RYR3: variants seen among roughly 807,000 people sequenced by gnomAD.
RYR3 encodes ryanodine receptor 3.
In RYR3, 207 loss-of-function variants were observed where a neutral mutation model predicts 584.3. The ratio of observed to expected loss-of-function variants is 0.35; its 90% CI spans 0.32 to 0.40. The LOEUF is 0.40. Among genes scored for constraint, RYR3 ranks in the 10% least tolerant of loss-of-function variants. RYR3 has a pLI of 1.00. For missense variants in RYR3, 5,616 were observed against 6,089.2 expected (o/e 0.92, Z 2.59); for synonymous variants, 2,416 against 2,248.5 (o/e 1.07, Z -2.11).
Position 33,750,003 on chromosome 15 carries a change from A to C in RYR3, c.8224A>C (p.Asn2742His). Residue 2742 changes from asparagine to histidine, a missense_variant, in exon 56 of 104, where the codon AAC (asparagine) becomes CAC (histidine). Physicochemically the swap from Asn to His is moderately conservative, Grantham distance 68 (BLOSUM62 1). Coordinates refer to ENST00000634891, the MANE Select transcript of RYR3 (RefSeq NM_001036.6). ...GGGAATGGTGGAGGTCGTGGCTGAG[A>C]ACTATCACAATATCTGGGCCAAGAA... Reference protein sequence around the residue: ...LQGMVEVVAENYHNIWAKKKK... With the variant: ...LQGMVEVVAEHYHNIWAKKKK... 6.2e-7 allele frequency: 1 copy of C among 1,612,502 alleles called. No homozygotes were observed. The highest frequency in any genetic ancestry group is 8.5e-7 in the Non-Finnish European group (1 of 1,179,460).
chr15:33,742,477 G>A (rs1466911775), intron 52 of RYR3, 33 bp downstream of exon 52: 2 of 1,459,748 alleles, frequency 1.4e-6, no homozygotes, highest in Non-Finnish European at 9.6e-7. Context: ...CAATCGTCAG[G>A]AAGGAAAAAC....
chr15:33,857,646 GC>G, intron 98 of RYR3, 133 bp from the exon 99 acceptor site: 1 of 1,067,580 alleles, frequency 9.4e-7, no homozygotes, highest in Non-Finnish European at 1.4e-6. Context: ...TTTCTTAGCC[GC>G]CCTCCACCCC....
At chr15:33,450,111 A>AAAAAG (rs2047002038) in intron 1 of RYR3, among the ~76,000 whole-genome samples, 2 of 149,642 alleles carry the variant, frequency 1.3e-5, no homozygotes, top group South Asian at 4.3e-4. Flanking sequence ...AAAAAAAAAA[A>AAAAAG]GCCGGCAACT....
In RYR3 at chr15:33,843,501, G is replaced by A. The variant is rs1255808267; in HGVS notation, c.13223G>A (p.Arg4408Lys). The change falls in exon 92 of 104, where the codon AGG becomes AAG. Residue 4408 changes from arginine to lysine, a missense_variant. By Grantham distance (26) the Arg-to-Lys change is conservative (BLOSUM62 2). Transcript: ENST00000634891. Reference sequence around the variant, plus strand: ...TTTTCTTTGCAGCATTACCTGGCCAGGAATTTCTACAACCTGAGGTTCCTT... The same window carrying A: ...TTTTCTTTGCAGCATTACCTGGCCAAGAATTTCTACAACCTGAGGTTCCTT... ...YQTKLLHYLA[R>K]NFYNLRFLAL... is the part of the protein sequence containing the mutation. 1 of 1,603,034 alleles carries A rather than the reference G, an allele frequency of 6.2e-7. No individual in the cohort carries two copies. Among genetic ancestry groups the A allele is most frequent in the African/African-American group, 1.3e-5 (1 of 74,826 alleles).
intron 1 of RYR3, among the ~76,000 whole-genome samples, chr15:33,413,580 T>C (rs1387823829): frequency 6.6e-6 from 1 of 152,164 alleles, no homozygotes; most frequent in Admixed American, 6.5e-5. Flanking sequence ...AAAAGAGATA[T>C]GTGGTCTGCA....
intron 1 of RYR3, 28 bp from the exon 2 acceptor site, chr15:33,473,391 C>T: frequency 6.2e-7 from 1 of 1,613,410 alleles, no homozygotes. Context: ...TCCCCTTACT[C>T]ATGTTTGGGT....
At chr15:33,827,122 T>C in intron 84 of RYR3, 77 bp from the exon 85 acceptor site, 1 of 1,180,470 alleles carries the variant, frequency 8.5e-7, no homozygotes, top group Non-Finnish European at 1.2e-6. Context: ...ATGTCTTATC[T>C]GAGCTCAGCT....
intron 33 of RYR3, 82 bp from the exon 34 acceptor site, chr15:33,660,115 C>T (rs2063066299): frequency 2.2e-6 from 2 of 894,890 alleles, no homozygotes; most frequent in Admixed American, 2.3e-5. Flanking sequence ...TTAATTTATA[C>T]TGGCCATATC....
In RYR3 at chr15:33,768,144, G is replaced by A. The variant is rs7166939; in HGVS notation, c.8706-514G>A. ...ACAGAGAATACACAATTCTTAAAAC[G>A]TTTTTGTTTAACACAATCTCACCTT... On this transcript the variant is annotated intron_variant, in intron 60 of 103. Transcript: ENST00000634891. 9.9e-3 allele frequency among the ~76,000 whole-genome samples: 1,500 copies of A among 152,270 alleles called. 28 individuals carry two copies. Among genetic ancestry groups the A allele is most frequent in the African/African-American group, 0.034 (1,422 of 41,558 alleles).
At chr15:33,856,521 A>T (rs1219984562) in intron 98 of RYR3, 1 of 152,292 alleles carries the variant, frequency 6.6e-6, no homozygotes. Context: ...TCTGTAATAA[A>T]AAGTGTGACT....
chr15:33,480,501 A>G (rs913550121), intron 2 of RYR3, among the ~76,000 whole-genome samples: 1 of 152,196 alleles, frequency 6.6e-6, no homozygotes, highest in Non-Finnish European at 1.5e-5. Flanking sequence ...TAAGTTGCCC[A>G]TGTGTACTGA....
chr15:33,327,415 A>G (rs1431169779), intron 1 of RYR3, among the ~76,000 whole-genome samples: 1 of 152,216 alleles, frequency 6.6e-6, no homozygotes, highest in Non-Finnish European at 1.5e-5. Flanking sequence ...TTGTTTGAAT[A>G]CACATTTATA....
chr15:33,747,269 T>G (rs2070820625), intron 53 of RYR3, among the ~76,000 whole-genome samples: 1 of 152,210 alleles, frequency 6.6e-6, no homozygotes, highest in Admixed American at 6.5e-5. Context: ...TGTAAGATTC[T>G]TAGTAAGCTT....
chr15:33,714,198 T>G (rs536156165), intron 43 of RYR3, among the ~76,000 whole-genome samples: 75 of 152,268 alleles, frequency 4.9e-4, no homozygotes, highest in African/African-American at 1.8e-3. Context: ...AAACAACATT[T>G]TCTCCTTTGA....
chr15:33,846,291 C>T (rs185342948), intron 93 of RYR3, among the ~76,000 whole-genome samples: 46 of 152,306 alleles, frequency 3.0e-4, no homozygotes, highest in African/African-American at 1.1e-3. Flanking sequence ...TGGTTTAAGG[C>T]AAGTCACATG....
intron 18 of RYR3, among the ~76,000 whole-genome samples, chr15:33,610,625 A>G (rs1479463102): frequency 6.6e-6 from 1 of 152,246 alleles, no homozygotes; most frequent in East Asian, 1.9e-4. Context: ...CCATTTAAAA[A>G]TTCACCACTT....
chr15:33,427,919 AAAT>A (rs2044781211), intron 1 of RYR3, among the ~76,000 whole-genome samples: 1 of 152,230 alleles, frequency 6.6e-6, no homozygotes, highest in Non-Finnish European at 1.5e-5. Context: ...AGTAGACAGG[AAAT>A]GCTCATGTGG....
chr15:33,550,680 A>G (rs1193948669), intron 10 of RYR3, among the ~76,000 whole-genome samples: 1 of 152,238 alleles, frequency 6.6e-6, no homozygotes, highest in Admixed American at 6.5e-5. Flanking sequence ...AGCAATAGTA[A>G]CATGGAGGCA....
In RYR3 at chr15:33,366,133, G is replaced by C. The variant is rs929732510; in HGVS notation, c.51+55037G>C. On this transcript the variant is annotated intron_variant, in intron 1 of 103. Coordinates refer to ENST00000634891, the MANE Select transcript of RYR3 (RefSeq NM_001036.6). Reference sequence around the variant, plus strand: ...ATGCAAATTCTGAGTGAGCAGTCTTGGTTCTGTTTTCTCCTGTTTCTGCAG... The same window carrying C: ...ATGCAAATTCTGAGTGAGCAGTCTTCGTTCTGTTTTCTCCTGTTTCTGCAG... 7.3e-5 allele frequency among the ~76,000 whole-genome samples: 11 copies of C among 151,474 alleles called. No individual in the cohort carries two copies. In the East Asian group the frequency reaches 1.8e-3, roughly 24 times the overall value.
Sources: allele counts gnomAD v4.1 joint callset (sites outside exome capture counted in the v4.1 genomes callset), GRCh38; gene constraint gnomAD v4.1.1; transcripts MANE v1.5; gene names NCBI Gene and HGNC (gene_info 2026-07-23, HGNC 2026-07-21).